The following EYS variants were observed in gnomAD, a reference collection of about 807,000 sequenced individuals.
EYS encodes EGF-like photoreceptor maintenance factor.
A neutral mutation model predicts 282.1 loss-of-function variants in EYS; 250 were observed. The observed-to-expected ratio is 0.89, with a 90% confidence interval of 0.80 to 0.98. The LOEUF (loss-of-function observed/expected upper bound fraction) is 0.98. Among genes scored for constraint, EYS ranks in the 50% least tolerant of loss-of-function variants. The probability of loss-of-function intolerance (pLI) is 0.00; values close to 1 mark genes in which losing one functional copy is unlikely to be tolerated. For missense variants in EYS, 4,016 were observed against 3,709.0 expected, an observed-to-expected ratio of 1.08 and a Z score of -2.15; for synonymous variants, 1,355 against 1,282.9, an observed-to-expected ratio of 1.06 and a Z score of -1.20.
intron 33 of EYS, among the ~76,000 whole-genome samples, chr6:64,027,755 C>T (rs1468125642): frequency 2.6e-5 from 4 of 152,204 alleles, no homozygotes; most frequent in African/African-American, 9.7e-5. Context: ...TGCACTGCCC[C>T]AGAGGACAAA....
At chr6:65,029,780 G>T (rs1255959166) in intron 13 of EYS, among the ~76,000 whole-genome samples, 1 of 152,162 alleles carries the variant, frequency 6.6e-6, no homozygotes, top group African/African-American at 2.4e-5. Context: ...GAGGATCTTT[G>T]GAAGAAAGGA....
chr6:65,396,382 T>C (rs1182347284), intron 7 of EYS, among the ~76,000 whole-genome samples: 2 of 152,074 alleles, frequency 1.3e-5, no homozygotes, highest in African/African-American at 4.8e-5. Flanking sequence ...AGTCCTTTTC[T>C]CCCCCAACGT....
At chr6:64,518,781 C>CCCCG (rs1232987628) in intron 26 of EYS, among the ~76,000 whole-genome samples, 1 of 147,686 alleles carries the variant, frequency 6.8e-6, no homozygotes, top group Non-Finnish European at 1.5e-5. Flanking sequence ...TTATAAGGGG[C>CCCCG]CCCCCCCTTC....
chr6:63,916,657 C>G (rs1250971869), intron 35 of EYS, among the ~76,000 whole-genome samples: 1 of 152,150 alleles, frequency 6.6e-6, no homozygotes, highest in Non-Finnish European at 1.5e-5. Flanking sequence ...TACATACTTT[C>G]TCCCATTCTG....
intron 5 of EYS, among the ~76,000 whole-genome samples, chr6:65,449,053 C>T (rs1159675778): frequency 2.0e-5 from 3 of 152,120 alleles, no homozygotes; most frequent in East Asian, 3.9e-4. Flanking sequence ...GCTTAATTTG[C>T]TTCCACTTTA....
chr6:65,668,082 A>G (rs1483621114), intron 1 of EYS, among the ~76,000 whole-genome samples: 1 of 151,804 alleles, frequency 6.6e-6, no homozygotes, highest in Non-Finnish European at 1.5e-5. Context: ...ACTCTTCCAT[A>G]AGTTTCATAT....
chr6:64,593,022 G>GAA, intron 25 of EYS, 95 bp downstream of exon 25: 3 of 833,034 alleles, frequency 3.6e-6, no homozygotes, highest in Non-Finnish European at 5.1e-6. Flanking sequence ...ATGTATCTCA[G>GAA]AAAAAAAAAA....
intron 26 of EYS, among the ~76,000 whole-genome samples, chr6:64,491,105 A>G (rs1295086987): frequency 6.6e-6 from 1 of 150,946 alleles, no homozygotes; most frequent in African/African-American, 2.4e-5. Flanking sequence ...GTGGATAATA[A>G]TAAGAAGAAG....
intron 5 of EYS, 52 bp downstream of exon 5, chr6:65,490,542 G>A: frequency 1.0e-6 from 1 of 960,014 alleles, no homozygotes; most frequent in Non-Finnish European, 1.7e-6. Context: ...GAAATACATA[G>A]ATAAAATTAA....
intron 35 of EYS, among the ~76,000 whole-genome samples, chr6:63,955,204 C>T (rs911626759): frequency 3.9e-5 from 6 of 152,086 alleles, no homozygotes; most frequent in African/African-American, 1.2e-4. Context: ...CTATACACTC[C>T]AATAACAGAC....
intron 5 of EYS, among the ~76,000 whole-genome samples, chr6:65,467,026 A>G (rs1765027102): frequency 6.6e-6 from 1 of 152,194 alleles, no homozygotes; most frequent in African/African-American, 2.4e-5. Context: ...GTGCAAAAGT[A>G]ATTCAGGTTT....
chr6:64,467,444 C>T (rs1280456505), intron 26 of EYS, among the ~76,000 whole-genome samples: 2 of 152,102 alleles, frequency 1.3e-5, no homozygotes, highest in East Asian at 3.9e-4. Context: ...CCTGAAGAAA[C>T]TCTTGCTTAT....
At chr6:64,261,552 AT>A (rs1013507300) in intron 30 of EYS, among the ~76,000 whole-genome samples, 1 of 152,072 alleles carries the variant, frequency 6.6e-6, no homozygotes, top group African/African-American at 2.4e-5. Flanking sequence ...AGTAGCACTT[AT>A]TTCATGTTTT....
intron 22 of EYS, among the ~76,000 whole-genome samples, chr6:64,644,550 G>T (rs978418395): frequency 1.3e-5 from 2 of 152,046 alleles, no homozygotes; most frequent in African/African-American, 4.8e-5. Flanking sequence ...ATATTCATAA[G>T]AATTATTACA....
At chr6:64,490,032 G>C (rs1280144356) in intron 26 of EYS, among the ~76,000 whole-genome samples, 1 of 150,688 alleles carries the variant, frequency 6.6e-6, no homozygotes, top group Admixed American at 6.7e-5. Flanking sequence ...AGTTCTCAGC[G>C]AATTTTATTA....
intron 22 of EYS, among the ~76,000 whole-genome samples, chr6:64,678,572 C>T (rs112695940): frequency 0.011 from 1,619 of 151,636 alleles, 23 homozygotes; most frequent in African/African-American, 0.036. Context: ...AGCGAGACTC[C>T]GTCTTAAAAA....
chr6:65,597,355 A>G (rs1765444434), intron 2 of EYS, among the ~76,000 whole-genome samples: 1 of 152,046 alleles, frequency 6.6e-6, no homozygotes, highest in Non-Finnish European at 1.5e-5. Flanking sequence ...TAAATGAGGA[A>G]CACTCTTAAG....
intron 22 of EYS, among the ~76,000 whole-genome samples, chr6:64,767,263 GTCTT>G (rs1232489129): frequency 2.6e-5 from 4 of 151,990 alleles, no homozygotes; most frequent in African/African-American, 9.7e-5. Flanking sequence ...CATTTATTAT[GTCTT>G]TGTATTGGAA....
At chr6:63,735,318 AT>A (rs1379192122) in intron 41 of EYS, among the ~76,000 whole-genome samples, 1 of 152,078 alleles carries the variant, frequency 6.6e-6, no homozygotes, top group Non-Finnish European at 1.5e-5. Context: ...TGGAAATATA[AT>A]TTTTTATAAC....
Sources: gnomAD v4.1 joint callset for allele counts (sites outside exome capture counted in the v4.1 genomes callset) on GRCh38, gnomAD v4.1.1 for gene constraint, MANE v1.5 for transcripts, NCBI Gene and HGNC (gene_info 2026-07-23, HGNC 2026-07-21) for gene names.